TNPO1: variants seen among roughly 807,000 people sequenced by gnomAD.
TNPO1 encodes the protein transportin 1, also known as transportin-1.
TNPO1 carries 8 observed loss-of-function variants against 119.5 expected under a neutral mutation model. The observed-to-expected ratio is 0.07, with a 90% confidence interval of 0.04 to 0.12. The LOEUF (loss-of-function observed/expected upper bound fraction) is 0.12. Among genes scored for constraint, TNPO1 ranks in the 10% least tolerant of loss-of-function variants. TNPO1 has a pLI of 1.00. For missense variants in TNPO1, 576 were observed against 1,089.8 expected (o/e 0.53, Z 6.64); for synonymous variants, 362 against 363.0 (o/e 1.00, Z 0.03).
chr5:72,898,342 C>T (rs778240048), intron 20 of TNPO1, among the ~76,000 whole-genome samples: 1 of 152,052 alleles, frequency 6.6e-6, no homozygotes, highest in Non-Finnish European at 1.5e-5. Flanking sequence ...GAATTTGTTA[C>T]ATAGTTTGTT....
intron 14 of TNPO1, 27 bp from the exon 15 acceptor site, chr5:72,891,783 T>A (rs565213741): frequency 1.3e-6 from 2 of 1,506,364 alleles, no homozygotes; most frequent in Middle Eastern, 2.2e-4. Context: ...TAGTGGAATT[T>A]TATATGTTTT....
chr5:72,866,920 A>G (rs1358296674), intron 6 of TNPO1, among the ~76,000 whole-genome samples: 3 of 152,122 alleles, frequency 2.0e-5, no homozygotes, highest in African/African-American at 7.2e-5. Context: ...TTCACCTAAA[A>G]TCACAGCGCT....
chr5:72,875,792 A>G (rs977078422), intron 8 of TNPO1, 55 bp downstream of exon 8: 3 of 1,557,468 alleles, frequency 1.9e-6, no homozygotes, highest in African/African-American at 1.4e-5. Context: ...GAGAAATACT[A>G]GATAGAAAAT....
chr5:72,845,350 A>T (rs1335361879), intron 1 of TNPO1, among the ~76,000 whole-genome samples: 4 of 152,190 alleles, frequency 2.6e-5, no homozygotes, highest in East Asian at 3.8e-4. Context: ...TACCTCATAT[A>T]ATAATCCTGA....
At chr5:72,851,677 A>G (rs1008104307) in intron 3 of TNPO1, among the ~76,000 whole-genome samples, 1 of 152,182 alleles carries the variant, frequency 6.6e-6, no homozygotes, top group Non-Finnish European at 1.5e-5. Context: ...TATTTTTAGT[A>G]GAGACAGAGT....
chr5:72,885,095 A>T (rs780509849), intron 11 of TNPO1, among the ~76,000 whole-genome samples: 2 of 152,236 alleles, frequency 1.3e-5, no homozygotes, highest in Non-Finnish European at 1.5e-5. Context: ...TAGAGTGCCT[A>T]ATGTGCCAGG....
Position 72,892,115 on chromosome 5 carries a change from A to G in TNPO1, c.1788+219A>G, listed in dbSNP as rs1749106438. On this transcript the variant is annotated intron_variant, in intron 15 of 24. Transcript: ENST00000337273. ...CTACTCTCTATATAGAGTAGATAGC[A>G]TACTACTCTATATAGTATAGAGTAG... is the stretch of plus-strand genomic sequence containing the variant. Among the ~76,000 whole-genome samples the G allele has an allele frequency of 5.9e-5, 9 of 152,106 alleles. No individual in the cohort carries two copies. The South Asian group carries it at 1.7e-3, about 28-fold the overall frequency.
chr5:72,861,248 A>G (rs1031487598), intron 4 of TNPO1, among the ~76,000 whole-genome samples: 1 of 150,022 alleles, frequency 6.7e-6, no homozygotes, highest in African/African-American at 2.5e-5. Flanking sequence ...TATTCTTGGT[A>G]TTATGGCAGA....
At chr5:72,906,265 T>A (rs1579948890) in intron 24 of TNPO1, among the ~76,000 whole-genome samples, 9 of 7,480 alleles carry the variant, frequency 1.2e-3, no homozygotes, top group East Asian at 0.01. Flanking sequence ...TGCCCATCAC[T>A]TTTTTTTTTC....
chr5:72,879,818 C>T (rs750970814), intron 9 of TNPO1, among the ~76,000 whole-genome samples: 1 of 152,068 alleles, frequency 6.6e-6, no homozygotes, highest in Non-Finnish European at 1.5e-5. Flanking sequence ...TAGTATAATA[C>T]GAGCAAAAAG....
At chr5:72,855,991 AT>A in intron 4 of TNPO1, 68 bp downstream of exon 4, 1 of 1,498,478 alleles carries the variant, frequency 6.7e-7, no homozygotes, top group Non-Finnish European at 9.2e-7. Context: ...ATGACAGATT[AT>A]TTCCTTAGGA....
chr5:72,828,697 A>T (rs1249820450), intron 1 of TNPO1, among the ~76,000 whole-genome samples: 1 of 138,714 alleles, frequency 7.2e-6, no homozygotes. Flanking sequence ...CAATTTTGCC[A>T]GTTGTCCCAG....
At position 72,887,748 on chromosome 5, in the gene TNPO1, C is replaced by T. The variant is rs1215521393; in HGVS notation, c.1304-330C>T. Among the ~76,000 whole-genome samples, 4 of 152,092 alleles carry T rather than the reference C, an allele frequency of 2.6e-5. No individual in the cohort carries two copies. The East Asian group carries it at 7.7e-4, about 29-fold the overall frequency. The stretch of plus-strand genomic sequence containing the variant: ...GAAAGGCTCTGATGTCTGAAGCATC[C>T]CCATTGCTTTAAAAAAAAATCCTTG... On this transcript the variant is annotated intron_variant, in intron 12 of 24. Transcript: ENST00000337273.
intron 11 of TNPO1, among the ~76,000 whole-genome samples, chr5:72,885,743 GTTTT>G (rs34593186): frequency 2.9e-5 from 4 of 136,162 alleles, no homozygotes; most frequent in Non-Finnish European, 4.7e-5. Context: ...GTTTGGTTTG[GTTTT>G]TTTTTTTTTT....
chr5:72,854,913 A>G (rs1178718308), intron 3 of TNPO1, among the ~76,000 whole-genome samples: 1 of 152,178 alleles, frequency 6.6e-6, no homozygotes, highest in Non-Finnish European at 1.5e-5. Flanking sequence ...TATTTGTTAC[A>G]TGAAGGTCTT....
chr5:72,827,563 G>T (rs979117095), intron 1 of TNPO1, among the ~76,000 whole-genome samples: 2 of 152,034 alleles, frequency 1.3e-5, no homozygotes, highest in African/African-American at 4.8e-5. Context: ...TAGGATTTGG[G>T]ATATGAAGGA....
At chr5:72,892,741 A>G (rs529944845) in intron 15 of TNPO1, among the ~76,000 whole-genome samples, 1 of 152,312 alleles carries the variant, frequency 6.6e-6, no homozygotes, top group East Asian at 1.9e-4. Flanking sequence ...GAATCCATAG[A>G]TACAGAGGGC....
rs1310473430 is a variant in TNPO1, at chr5:72,913,702, G to C, written c.*5029G>C. The C allele has an allele frequency of 6.6e-6, 1 of 152,458 alleles. No individual in the cohort carries two copies. The highest frequency in any genetic ancestry group is 6.6e-5 in the Admixed American group (1 of 15,266). 9.4% of individuals were successfully genotyped at this position (152,458 alleles called of 1,614,324 possible). A position where few individuals can be genotyped will look rare whatever the true frequency, so the allele number is the denominator to read the frequency against. On this transcript the variant is annotated 3_prime_UTR_variant, in exon 25 of 25. Coordinates refer to ENST00000337273, the MANE Select transcript of TNPO1 (RefSeq NM_002270.4). ...CTTTTTAAAAGCCTATTATAACATG[G>C]TTAGCCTATAAGGCAGTGTTGGTCC... is the stretch of plus-strand genomic sequence containing the variant.
At chr5:72,855,714 T>A in intron 3 of TNPO1, 60 bp from the exon 4 acceptor site, 1 of 1,400,740 alleles carries the variant, frequency 7.1e-7, no homozygotes, top group African/African-American at 1.4e-5. Context: ...TTAAAACTTA[T>A]CGGCACATTT....
Sources: allele counts gnomAD v4.1 joint callset (sites outside exome capture counted in the v4.1 genomes callset), GRCh38; gene constraint gnomAD v4.1.1; transcripts MANE v1.5; gene names NCBI Gene and HGNC (gene_info 2026-07-23, HGNC 2026-07-21).